MSI2: variants seen among roughly 807,000 people sequenced by gnomAD.
MSI2 encodes the protein RNA-binding protein Musashi homolog 2.
A neutral mutation model predicts 45.6 loss-of-function variants in MSI2; 17 were observed. That is an observed-to-expected ratio of 0.37 (90% CI 0.26 to 0.56). MSI2 has a LOEUF of 0.56. MSI2 is among the 20% of genes least tolerant of loss of function. MSI2 has a pLI of 0.77. For missense variants in MSI2, 293 were observed against 444.2 expected (o/e 0.66, Z 3.06); for synonymous variants, 156 against 158.2 (o/e 0.99, Z 0.11).
chr17:57,615,911 C>A, intron 8 of MSI2, 59 bp from the exon 9 acceptor site: 2 of 1,318,036 alleles, frequency 1.5e-6, no homozygotes, highest in Non-Finnish European at 2.2e-6. Flanking sequence ...ACAGGTTCTG[C>A]ATTTGACATT....
intron 6 of MSI2, among the ~76,000 whole-genome samples, chr17:57,434,577 G>A (rs1177543798): frequency 6.6e-6 from 1 of 151,706 alleles, no homozygotes; most frequent in African/African-American, 2.4e-5. Context: ...CCATCCTCTG[G>A]TAACCCCCAT....
chr17:57,677,126 T>A lies in MSI2; in HGVS notation c.*31+67T>A, dbSNP rs536630128. 1.4e-3 allele frequency: 1,519 copies of A among 1,059,614 alleles called. 26 individuals carry two copies. In the South Asian group the frequency reaches 0.018, roughly 13 times the overall value. The allele number at this position is 1,059,614 out of a possible 1,614,324, so 65.6% of individuals were successfully genotyped here. The stretch of plus-strand genomic sequence containing the variant: ...TCCGTACATGTATGTCCACAGGTCA[T>A]ACATGCACGTGCGTGCCCCTGTCTC... On this transcript the variant is annotated intron_variant, in intron 13 of 13. Transcript: ENST00000284073.
chr17:57,491,907 A>G (rs1391990017), intron 6 of MSI2, among the ~76,000 whole-genome samples: 3 of 152,152 alleles, frequency 2.0e-5, no homozygotes, highest in African/African-American at 4.8e-5. Context: ...GAAGATGAGC[A>G]TTACTCTGAA....
chr17:57,682,838 G>T lies in MSI2; in HGVS notation c.*3321G>T, dbSNP rs764020766. The T allele has an allele frequency of 4.5e-6, 1 of 224,006 alleles. No homozygotes were observed. Among genetic ancestry groups the T allele is most frequent in the East Asian group, 6.4e-5 (1 of 15,566 alleles). The allele number at this position is 224,006 out of a possible 1,614,324, so 13.9% of individuals were successfully genotyped here. On this transcript the variant is annotated 3_prime_UTR_variant, in exon 14 of 14. Transcript: ENST00000284073. ...CCAGATCCATCTGCCTGAGACCCCC[G>T]AACTCCTCTCCTCCCAAGCAGAGGC...
rs568079261 is a variant in MSI2 at position 57,510,680 on chromosome 17, T to G, written c.406-18996T>G. Among the ~76,000 whole-genome samples, 609 of 151,730 alleles carry G rather than the reference T, an allele frequency of 4.0e-3. 6 individuals carry two copies. Among genetic ancestry groups the G allele is most frequent in the African/African-American group, 0.013 (553 of 41,126 alleles). ...TGACCTCAGGTGATCCACCCACCTC[T>G]GCCTCCCAAAGTGCTGGGATTACAG... On this transcript the variant is annotated intron_variant, in intron 6 of 13. Transcript: ENST00000284073.
At chr17:57,334,040 A>G (rs773277310) in intron 5 of MSI2, among the ~76,000 whole-genome samples, 2 of 152,156 alleles carry the variant, frequency 1.3e-5, no homozygotes, top group Non-Finnish European at 2.9e-5. Context: ...TCTCCAGGAA[A>G]GCATGGTTTC....
At chr17:57,456,862 C>T (rs541093434) in intron 6 of MSI2, among the ~76,000 whole-genome samples, 10 of 152,266 alleles carry the variant, frequency 6.6e-5, no homozygotes, top group South Asian at 2.1e-4. Flanking sequence ...GGCAGGAGAA[C>T]TTATCTGAAT....
chr17:57,321,889 C>T (rs1042589747), intron 5 of MSI2, among the ~76,000 whole-genome samples: 10 of 152,130 alleles, frequency 6.6e-5, no homozygotes, highest in South Asian at 2.1e-4. Flanking sequence ...CTCTGCCTCC[C>T]GGATTCAAGT....
rs568557871 is a variant in MSI2, at chr17:57,650,942, C to G, written c.728-1157C>G. On this transcript the variant is annotated intron_variant, in intron 10 of 13. Transcript: ENST00000284073. Reference sequence around the variant, plus strand: ...GCTCAGTAGCTAAAGTTGAGCAGCCCTGTTGGGGGCTGTTTATTGAGTTTG... The same window carrying G: ...GCTCAGTAGCTAAAGTTGAGCAGCCGTGTTGGGGGCTGTTTATTGAGTTTG... 2.2e-4 allele frequency among the ~76,000 whole-genome samples: 34 copies of G among 152,258 alleles called. No individual in the cohort carries two copies. In the East Asian group the frequency reaches 6.4e-3, roughly 29 times the overall value.
chr17:57,547,399 A>G (rs1375643158), intron 7 of MSI2, among the ~76,000 whole-genome samples: 1 of 152,198 alleles, frequency 6.6e-6, no homozygotes, highest in Non-Finnish European at 1.5e-5. Flanking sequence ...CAGGGTGGCC[A>G]GTGGAAGTTT....
chr17:57,476,577 C>T (rs1293697022), intron 6 of MSI2, among the ~76,000 whole-genome samples: 1 of 152,200 alleles, frequency 6.6e-6, no homozygotes, highest in East Asian at 1.9e-4. Context: ...ACAGAGGTTT[C>T]TGGTTGCCTT....
chr17:57,453,198 A>G (rs1463993933), intron 6 of MSI2, among the ~76,000 whole-genome samples: 1 of 151,902 alleles, frequency 6.6e-6, no homozygotes, highest in African/African-American at 2.4e-5. Context: ...ACGGGGTTTC[A>G]TTAGGTTGGT....
intron 7 of MSI2, among the ~76,000 whole-genome samples, chr17:57,586,117 T>C (rs1284458771): frequency 1.4e-4 from 21 of 152,272 alleles, no homozygotes; most frequent in Admixed American, 1.2e-3. Flanking sequence ...GTTTGTGAAC[T>C]AATCTGCTGC....
intron 6 of MSI2, among the ~76,000 whole-genome samples, chr17:57,478,900 G>C (rs1376293713): frequency 6.6e-6 from 1 of 152,050 alleles, no homozygotes; most frequent in Non-Finnish European, 1.5e-5. Context: ...TGCTGCATTT[G>C]TTCATTCGTT....
chr17:57,546,796 G>A (rs1015091671), intron 7 of MSI2, among the ~76,000 whole-genome samples: 11 of 152,204 alleles, frequency 7.2e-5, no homozygotes, highest in African/African-American at 2.7e-4. Context: ...TGTGCTTGAG[G>A]CTCTGGGGCT....
intron 11 of MSI2, among the ~76,000 whole-genome samples, chr17:57,654,954 G>T (rs1292106223): frequency 6.7e-6 from 1 of 150,156 alleles, no homozygotes; most frequent in African/African-American, 2.5e-5. Flanking sequence ...GACTTATAGG[G>T]GAAGCTTCCT....
intron 5 of MSI2, among the ~76,000 whole-genome samples, chr17:57,329,972 A>G (rs569676937): frequency 2.1e-4 from 32 of 151,636 alleles, no homozygotes; most frequent in African/African-American, 7.0e-4. Flanking sequence ...GCCTTATTTA[A>G]CCTTTCTGTG....
intron 6 of MSI2, among the ~76,000 whole-genome samples, chr17:57,416,958 G>A (rs1434952217): frequency 1.3e-5 from 2 of 152,224 alleles, no homozygotes; most frequent in East Asian, 1.9e-4. Flanking sequence ...GTGAGGTGGG[G>A]TGCCCACCCA....
chr17:57,649,671 C>T (rs905072744), intron 10 of MSI2, among the ~76,000 whole-genome samples: 1 of 152,120 alleles, frequency 6.6e-6, no homozygotes, highest in East Asian at 1.9e-4. Context: ...GTATCAGGGG[C>T]CTGTCTGCCA....
Sources: gnomAD v4.1 joint callset for allele counts (sites outside exome capture counted in the v4.1 genomes callset) on GRCh38, gnomAD v4.1.1 for gene constraint, MANE v1.5 for transcripts, NCBI Gene and HGNC (gene_info 2026-07-23, HGNC 2026-07-21) for gene names.